The following SLC49A3 variants were observed in gnomAD, a reference collection of about 807,000 sequenced individuals.
SLC49A3 encodes solute carrier family 49 member A3.
SLC49A3 carries 50 observed loss-of-function variants against 43.8 expected under a neutral mutation model. That is an observed-to-expected ratio of 1.14 (90% CI 0.91 to 1.45). The LOEUF (loss-of-function observed/expected upper bound fraction) is 1.45, where lower values mean the gene tolerates loss of function less well. SLC49A3 is among the 40% of genes most tolerant of loss of function. The pLI is 0.00. For missense variants in SLC49A3, 906 were observed against 774.1 expected (o/e 1.17, Z -2.02); for synonymous variants, 413 against 352.0 (o/e 1.17, Z -1.94).
At chr4:678,916 C>A (rs767996026), downstream of SLC49A3, 43 of 1,611,868 alleles carry the variant, frequency 2.7e-5, no homozygotes, top group Non-Finnish European at 3.6e-5. Flanking sequence ...GGGCAGAGCC[C>A]AGCCGGGTTG....
In SLC49A3 at chr4:685,959, C is replaced by T; in HGVS notation, c.509-48G>A. 1 of 1,611,934 alleles carries T rather than the reference C, an allele frequency of 6.2e-7. No individual in the cohort carries two copies. The highest frequency in any genetic ancestry group is 1.1e-5 in the South Asian group (1 of 90,936). On this transcript the variant is annotated intron_variant, in intron 3 of 9. Coordinates refer to ENST00000322224, the MANE Select transcript of SLC49A3 (RefSeq NM_032219.4). This position sits in a 1 kb window ranked among gnomAD's most constrained non-coding sequence, Gnocchi z 4.3. Reference sequence around the variant, plus strand: ...TGTCAGCTCGGCTGTGGCCTGGCTTCATCGCCAGCCCACAGGCAGAACCTT... The same window carrying T: ...TGTCAGCTCGGCTGTGGCCTGGCTTTATCGCCAGCCCACAGGCAGAACCTT...
upstream of SLC49A3, among the ~76,000 whole-genome samples, chr4:690,780 C>G (rs1741818222): frequency 6.6e-6 from 1 of 152,252 alleles, no homozygotes; most frequent in Non-Finnish European, 1.5e-5. Context: ...TGTTGAGGGG[C>G]TCCTCCTCCC....
At chr4:688,282 C>A (rs1741441366) in intron 1 of SLC49A3, among the ~76,000 whole-genome samples, 1 of 152,192 alleles carries the variant, frequency 6.6e-6, no homozygotes, top group Non-Finnish European at 1.5e-5. Context: ...CCATACCCAG[C>A]CAGCAAAGGA....
chr4:678,377 T>C, downstream of SLC49A3: 1 of 1,413,762 alleles, frequency 7.1e-7, no homozygotes, highest in Non-Finnish European at 9.2e-7. Flanking sequence ...CCAAGCTGGC[T>C]CCTGCTGGAC....
Position 686,071 on chromosome 4 carries a change from T to C in SLC49A3, c.508+18A>G, listed in dbSNP as rs1233624176. 26 of 1,612,418 alleles carry C rather than the reference T, an allele frequency of 1.6e-5. No homozygotes were observed. Among genetic ancestry groups the C allele is most frequent in the Non-Finnish European group, 2.2e-5 (26 of 1,179,774 alleles). ...CTGAGGTGAGCCCAGGCAGGCGGCC[T>C]CCCTCCCCGGAACTCACACATGGTG... is the stretch of plus-strand genomic sequence containing the variant. On this transcript the variant is annotated intron_variant, in intron 3 of 9. Transcript: ENST00000322224.
chr4:684,357 C>G, intron 6 of SLC49A3, 126 bp downstream of exon 6: 2 of 1,340,976 alleles, frequency 1.5e-6, no homozygotes, highest in Non-Finnish European at 2.1e-6. Context: ...GGGCCCACAG[C>G]ACAGAAGGGT....
intron 1 of SLC49A3, 37 bp downstream of exon 1, chr4:688,956 G>C (rs1166339321): frequency 6.3e-7 from 1 of 1,575,356 alleles, no homozygotes; most frequent in Non-Finnish European, 8.6e-7. Context: ...GAGGGACTGA[G>C]GGTCCCGGAG....
chr4:679,235 A>T, downstream of SLC49A3: 5 of 669,782 alleles, frequency 7.5e-6, no homozygotes, highest in Non-Finnish European at 1.3e-5. Flanking sequence ...AGGGTGAGAC[A>T]GGGTGGGTGG....
At chr4:681,045 C>T (rs750596471), downstream of SLC49A3, 4 of 1,561,238 alleles carry the variant, frequency 2.6e-6, no homozygotes, top group East Asian at 2.3e-5. Flanking sequence ...CGAGAAGGCT[C>T]CTGCACCCCC....
downstream of SLC49A3, chr4:678,911 G>A (rs1280241389): frequency 1.2e-6 from 2 of 1,608,868 alleles, no homozygotes; most frequent in East Asian, 4.5e-5. Flanking sequence ...GGGCGGGGCA[G>A]AGCCCAGCCG....
intron 1 of SLC49A3, 84 bp downstream of exon 1, chr4:688,909 G>A: frequency 6.7e-7 from 1 of 1,487,910 alleles, no homozygotes. Flanking sequence ...CTGGCACCTC[G>A]GGCTGTGGCC....
At chr4:677,877 G>A, downstream of SLC49A3, 1 of 1,359,260 alleles carries the variant, frequency 7.4e-7, no homozygotes, top group Non-Finnish European at 1.0e-6. Flanking sequence ...AGCTCACTCT[G>A]CAGCTGTCCA....
chr4:689,786 T>A (rs1215361789), upstream of SLC49A3, among the ~76,000 whole-genome samples: 2 of 151,922 alleles, frequency 1.3e-5, no homozygotes, highest in African/African-American at 2.4e-5. Context: ...CTCAGAGGAG[T>A]AGGCACAGGT....
In SLC49A3 at chr4:682,041, G is replaced by A. The variant is rs1739800869; in HGVS notation, c.1597C>T (p.Leu533Phe). The A allele has an allele frequency of 1.4e-6, 2 of 1,423,810 alleles. No homozygotes were observed. Among genetic ancestry groups the A allele is most frequent in the Non-Finnish European group, 1.9e-6 (2 of 1,076,468 alleles). The allele number at this position is 1,423,810 out of a possible 1,614,324, so 88.2% of individuals were successfully genotyped here. A position where few individuals can be genotyped will look rare whatever the true frequency, so the allele number is the denominator to read the frequency against. ...ATDAPSRPGR[L>F]AGRVQASRFI... ...CTGGACGCTTGGACCCTGCCTGCGA[G>A]TCTGCCGGGGCGGGAGGGCGCGTCG... Residue 533 changes from leucine (L) to phenylalanine (F), a missense_variant, in exon 10 of 10, where the codon CTC becomes TTC. Transcript: ENST00000322224.
rs1313624630 is a variant in SLC49A3 at position 683,319 on chromosome 4, G to A, written c.1042C>T (p.Leu348=). 13 of 1,612,420 alleles carry A rather than the reference G, an allele frequency of 8.1e-6. No homozygotes were observed. Among genetic ancestry groups the A allele is most frequent in the African/African-American group, 1.3e-5 (1 of 74,916 alleles). The stretch of plus-strand genomic sequence containing the variant: ...ACCGAGAAGCCAAACAGCCCGAGCA[G>A]CGAGCAGGTGGCAGCCAGGGCAAGG... ...QTLALAATCS[L]LGLFGFSVGP... The change falls in exon 8 of 10, where the codon CTG becomes TTG. Residue 348 remains leucine (L), a synonymous_variant. Coordinates refer to ENST00000322224, the MANE Select transcript of SLC49A3 (RefSeq NM_032219.4).
upstream of SLC49A3, among the ~76,000 whole-genome samples, chr4:689,825 T>A (rs975233446): frequency 3.3e-5 from 5 of 152,170 alleles, no homozygotes; most frequent in Non-Finnish European, 7.4e-5. Context: ...GAGAGGCCTG[T>A]GTGTTGGAAG....
At chr4:683,118 G>C in intron 8 of SLC49A3, 92 bp downstream of exon 8, 3 of 1,522,734 alleles carry the variant, frequency 2.0e-6, no homozygotes, top group Non-Finnish European at 2.7e-6. Flanking sequence ...TCCCCGAAAA[G>C]GGGCCTGGAC....
downstream of SLC49A3, chr4:681,136 A>T (rs1257364899): frequency 6.2e-7 from 1 of 1,605,986 alleles, no homozygotes; most frequent in Admixed American, 1.7e-5. Context: ...ATGACGGCGG[A>T]AGAGGTCTGG....
downstream of SLC49A3, chr4:681,063 C>T (rs1458030451): frequency 1.9e-6 from 3 of 1,577,878 alleles, no homozygotes; most frequent in South Asian, 2.3e-5. Context: ...CCCGCATCAG[C>T]CCGCGCTGAC....
Sources: gnomAD v4.1 joint callset for allele counts (sites outside exome capture counted in the v4.1 genomes callset) on GRCh38, gnomAD v4.1.1 for gene constraint, Gnocchi (gnomAD v3.1) non-coding constraint, MANE v1.5 for transcripts, NCBI Gene and HGNC (gene_info 2026-07-23, HGNC 2026-07-21) for gene names.